Variants in CTDSPL2 observed in about 807,000 individuals in gnomAD.
CTDSPL2 encodes CTD small phosphatase like 2.
CTDSPL2 carries 5 observed loss-of-function variants against 60.0 expected under a neutral mutation model. The ratio of observed to expected loss-of-function variants is 0.08; its 90% confidence interval spans 0.04 to 0.18. The LOEUF (loss-of-function observed/expected upper bound fraction) is 0.18, where lower values mean the gene tolerates loss of function less well. Ranked by LOEUF, CTDSPL2 falls within the 10% of genes least tolerant of loss-of-function variation. The pLI is 1.00. For synonymous variants in CTDSPL2, 186 were observed against 189.3 expected (o/e 0.98, Z 0.14); for missense variants, 370 against 548.8 (o/e 0.67, Z 3.26).
rs1445433362 is a variant in CTDSPL2, at chr15:44,526,351, C to G, written c.*2177C>G. The G allele has an allele frequency of 6.6e-6, 1 of 152,084 alleles. No homozygotes were observed. Among genetic ancestry groups the G allele is most frequent in the Admixed American group, 6.5e-5 (1 of 15,268 alleles). 9.4% of individuals were successfully genotyped at this position (152,084 alleles called of 1,614,324 possible). ...ATTCTCAAAAGGGCTTTCCCATAAT[C>G]TAAAGGGAAATGTAAGCACCTATAC... is the stretch of plus-strand genomic sequence containing the variant. On this transcript the variant is annotated 3_prime_UTR_variant, in exon 13 of 13. Coordinates refer to ENST00000260327, the MANE Select transcript of CTDSPL2 (RefSeq NM_016396.3).
intron 2 of CTDSPL2, among the ~76,000 whole-genome samples, chr15:44,477,052 C>T (rs531346768): frequency 1.5e-4 from 23 of 152,270 alleles, no homozygotes; most frequent in South Asian, 8.3e-4. Context: ...AGTAAGACCT[C>T]GTCTTTTCAA....
chr15:44,501,273 A>T lies in CTDSPL2; in HGVS notation c.969+1460A>T, dbSNP rs367819576. Among the ~76,000 whole-genome samples, 7 of 152,128 alleles carry T rather than the reference A, an allele frequency of 4.6e-5. No homozygotes were observed. The South Asian group carries it at 1.0e-3, about 22-fold the overall frequency. ...TATTAATTGAAAAATATAGATAAAC[A>T]ATGATTTTGAGATGACTTCTTAAGC... is the stretch of plus-strand genomic sequence containing the variant. On this transcript the variant is annotated intron_variant, in intron 8 of 12. Transcript: ENST00000260327.
At chr15:44,428,746 T>A (rs2079797879) in intron 1 of CTDSPL2, among the ~76,000 whole-genome samples, 1 of 152,244 alleles carries the variant, frequency 6.6e-6, no homozygotes, top group Non-Finnish European at 1.5e-5. Context: ...CTGTGTAATT[T>A]TCAAATTGTA....
At chr15:44,444,350 GAC>G (rs1178612021) in intron 1 of CTDSPL2, among the ~76,000 whole-genome samples, 1 of 144,870 alleles carries the variant, frequency 6.9e-6, no homozygotes, top group African/African-American at 2.7e-5. Context: ...CAGACACAGA[GAC>G]ACATTTTTTT....
chr15:44,453,939 C>G (rs1001637794), intron 1 of CTDSPL2, among the ~76,000 whole-genome samples: 3 of 152,048 alleles, frequency 2.0e-5, no homozygotes, highest in Non-Finnish European at 4.4e-5. Flanking sequence ...GGGTATTTAC[C>G]CAGTAATGGG....
chr15:44,458,395 T>A (rs2080493493), intron 1 of CTDSPL2, among the ~76,000 whole-genome samples: 1 of 152,262 alleles, frequency 6.6e-6, no homozygotes, highest in Admixed American at 6.5e-5. Context: ...TTCTTTCTGA[T>A]GTGAATCGTT....
intron 10 of CTDSPL2, chr15:44,516,742 C>T (rs1461903538): frequency 2.0e-5 from 3 of 152,280 alleles, no homozygotes; most frequent in South Asian, 2.1e-4. Context: ...ATTAACAATC[C>T]TCTTTTAAAC....
At chr15:44,433,109 G>A (rs2079894703) in intron 1 of CTDSPL2, among the ~76,000 whole-genome samples, 1 of 151,600 alleles carries the variant, frequency 6.6e-6, no homozygotes, top group Non-Finnish European at 1.5e-5. Flanking sequence ...GAGCTTAGGA[G>A]TTCGAGACCA....
At chr15:44,436,519 A>G (rs2079985169) in intron 1 of CTDSPL2, among the ~76,000 whole-genome samples, 1 of 152,180 alleles carries the variant, frequency 6.6e-6, no homozygotes, top group Non-Finnish European at 1.5e-5. Flanking sequence ...TCTGATGTCC[A>G]ATAATTTCTT....
chr15:44,435,901 C>A (rs1225995136), intron 1 of CTDSPL2, among the ~76,000 whole-genome samples: 1 of 152,130 alleles, frequency 6.6e-6, no homozygotes, highest in Non-Finnish European at 1.5e-5. Flanking sequence ...GCCATCGCAC[C>A]TGGCCAAGTT....
intron 5 of CTDSPL2, 27 bp from the exon 6 acceptor site, chr15:44,496,353 C>T (rs766200328): frequency 1.3e-6 from 2 of 1,522,006 alleles, no homozygotes; most frequent in African/African-American, 1.4e-5. Context: ...GTAAAAGCAA[C>T]ATTTTTTCTT....
chr15:44,473,387 C>G (rs918467104), intron 2 of CTDSPL2, among the ~76,000 whole-genome samples: 1 of 152,146 alleles, frequency 6.6e-6, no homozygotes, highest in African/African-American at 2.4e-5. Flanking sequence ...GCTCCACCTC[C>G]CGGGTTCACG....
chr15:44,463,483 A>C (rs12592995), intron 2 of CTDSPL2, among the ~76,000 whole-genome samples: 7,146 of 152,264 alleles, frequency 0.047, 324 homozygotes, highest in East Asian at 0.23. Context: ...GGTTTTTCAT[A>C]CAGCTACAAA....
chr15:44,490,675 C>A, intron 4 of CTDSPL2, 109 bp from the exon 5 acceptor site: 1 of 793,386 alleles, frequency 1.3e-6, no homozygotes, highest in South Asian at 1.7e-5. Flanking sequence ...AGCTTTGTTC[C>A]TGCAGGAATG....
intron 5 of CTDSPL2, among the ~76,000 whole-genome samples, chr15:44,492,285 A>G (rs1260595557): frequency 6.6e-6 from 1 of 152,192 alleles, no homozygotes; most frequent in Non-Finnish European, 1.5e-5. Context: ...GCCGTGAGCT[A>G]TGACTGAGCC....
Position 44,496,476 on chromosome 15 carries a change from CT to C in CTDSPL2, c.770+25del, listed in dbSNP as rs745634716. ...TTTGACCCGTGAGTTGCTTTTTTCT[CT>C]TTTTTTCTTTCCTTTTTGGAGCATG... On this transcript the variant is annotated intron_variant, in intron 6 of 12. Coordinates refer to ENST00000260327, the MANE Select transcript of CTDSPL2 (RefSeq NM_016396.3). 21 of 1,592,080 alleles carry C rather than the reference CT, an allele frequency of 1.3e-5. No homozygotes were observed. The highest frequency in any genetic ancestry group is 1.6e-5 in the Non-Finnish European group (18 of 1,161,262).
chr15:44,484,062 C>G (rs538716270), intron 2 of CTDSPL2, among the ~76,000 whole-genome samples, 162 bp from the exon 3 acceptor site: 71 of 152,244 alleles, frequency 4.7e-4, no homozygotes, highest in South Asian at 2.3e-3. Context: ...ACAGCCCTGT[C>G]AAATTTTTTC....
intron 8 of CTDSPL2, among the ~76,000 whole-genome samples, chr15:44,500,057 T>G (rs2140832596): frequency 6.6e-6 from 1 of 152,316 alleles, no homozygotes; most frequent in South Asian, 2.1e-4. Context: ...GCTAGTTTCA[T>G]AATCTGTTTG....
chr15:44,434,780 A>G (rs1453270237), intron 1 of CTDSPL2, among the ~76,000 whole-genome samples: 1 of 152,078 alleles, frequency 6.6e-6, no homozygotes, highest in Admixed American at 6.5e-5. Flanking sequence ...AGCCTAACTC[A>G]GTTGTTTTAT....
Sources: allele counts gnomAD v4.1 joint callset (sites outside exome capture counted in the v4.1 genomes callset), GRCh38; gene constraint gnomAD v4.1.1; transcripts MANE v1.5; gene names NCBI Gene and HGNC (gene_info 2026-07-23, HGNC 2026-07-21).